The following DLG1 variants were observed in gnomAD, a reference collection of about 807,000 sequenced individuals.
DLG1 encodes discs large MAGUK scaffold protein 1.
DLG1 carries 42 observed loss-of-function variants against 123.4 expected under a neutral mutation model. The observed-to-expected ratio is 0.34, with a 90% CI of 0.27 to 0.44. The LOEUF is 0.44. Among genes scored for constraint, DLG1 ranks in the 20% least tolerant of loss-of-function variants. DLG1 has a pLI of 1.00. For missense variants in DLG1, 942 were observed against 1,082.6 expected, an observed-to-expected ratio of 0.87 and a Z score of 1.82; for synonymous variants, 317 against 356.2, an observed-to-expected ratio of 0.89 and a Z score of 1.24.
intron 5 of DLG1, among the ~76,000 whole-genome samples, chr3:197,172,659 G>T (rs1168170908): frequency 6.6e-6 from 1 of 152,112 alleles, no homozygotes; most frequent in Non-Finnish European, 1.5e-5. Flanking sequence ...CCACTTTCAT[G>T]CAATATACAT....
intron 4 of DLG1, among the ~76,000 whole-genome samples, chr3:197,243,325 CTACT>C (rs535685288): frequency 7.2e-4 from 110 of 152,298 alleles, no homozygotes; most frequent in African/African-American, 2.6e-3. Flanking sequence ...GCAGGAAAAA[CTACT>C]TATGTAATAG....
chr3:197,297,536 C>A, intron 1 of DLG1: 1 of 1,148,962 alleles, frequency 8.7e-7, no homozygotes, highest in Non-Finnish European at 1.1e-6. Context: ...AGTATCCACA[C>A]TCCCCACCTG....
chr3:197,268,824 T>C (rs1762755166), intron 4 of DLG1, among the ~76,000 whole-genome samples: 1 of 151,972 alleles, frequency 6.6e-6, no homozygotes, highest in Non-Finnish European at 1.5e-5. Flanking sequence ...TCTGATTCTA[T>C]AAGCTTTTTT....
rs567571221 is a variant in DLG1 at position 197,254,288 on chromosome 3, C to G, written c.318+28391G>C. 1.5e-4 allele frequency among the ~76,000 whole-genome samples: 23 copies of G among 152,244 alleles called. No individual in the cohort carries two copies. In the South Asian group the frequency reaches 1.7e-3, roughly 11 times the overall value. On this transcript the variant is annotated intron_variant, in intron 4 of 24. Transcript: ENST00000667157. ...TTCTGCAGTCTCACAGTTCATACAC[C>G]CTAAAGTCATGCTAGTGGAAAGAAC...
chr3:197,276,785 A>C (rs973000078), intron 4 of DLG1, among the ~76,000 whole-genome samples: 15 of 152,170 alleles, frequency 9.9e-5, no homozygotes, highest in South Asian at 4.1e-4. Flanking sequence ...GAAATTCTAT[A>C]AAGTCAGCAG....
intron 4 of DLG1, among the ~76,000 whole-genome samples, chr3:197,229,738 A>G (rs1016943806): frequency 3.9e-5 from 6 of 152,230 alleles, no homozygotes; most frequent in Non-Finnish European, 8.8e-5. Context: ...TTCATTCTAC[A>G]TTTGCCTAAG....
intron 5 of DLG1, among the ~76,000 whole-genome samples, chr3:197,170,770 C>A (rs1409062263): frequency 6.6e-6 from 1 of 152,140 alleles, no homozygotes; most frequent in Non-Finnish European, 1.5e-5. Context: ...GCTTTTGTTG[C>A]AATTGCATGG....
At chr3:197,080,231 C>A (rs747677307) in intron 17 of DLG1, among the ~76,000 whole-genome samples, 70 of 143,372 alleles carry the variant, frequency 4.9e-4, no homozygotes, top group Non-Finnish European at 9.3e-4. Context: ...AATAAATACA[C>A]TTCTAAAATA....
At chr3:197,183,743 GCTAGTA>G in intron 5 of DLG1, 1 of 1,550,498 alleles carries the variant, frequency 6.4e-7, no homozygotes. Context: ...CATGGCTAGA[GCTAGTA>G]TTGCCTCCTC....
intron 3 of DLG1, among the ~76,000 whole-genome samples, chr3:197,284,389 A>G (rs1011169614): frequency 6.6e-6 from 1 of 152,214 alleles, no homozygotes; most frequent in Non-Finnish European, 1.5e-5. Flanking sequence ...TTCAAAAGTC[A>G]TCTCTCTCAA....
intron 12 of DLG1, among the ~76,000 whole-genome samples, chr3:197,118,254 GT>G (rs1376542860): frequency 1.3e-5 from 2 of 152,156 alleles, no homozygotes; most frequent in African/African-American, 4.8e-5. Flanking sequence ...CACTATTACA[GT>G]TTCCCTCTTT....
chr3:197,066,659 T>A, intron 20 of DLG1, 45 bp downstream of exon 20: 1 of 1,438,484 alleles, frequency 7.0e-7, no homozygotes, highest in Admixed American at 2.1e-5. Context: ...AATTAAAAAG[T>A]ATATTCTTCT....
chr3:197,176,405 C>T (rs1490272364), intron 5 of DLG1, among the ~76,000 whole-genome samples: 1 of 152,102 alleles, frequency 6.6e-6, no homozygotes, highest in Admixed American at 6.6e-5. Flanking sequence ...GACGTTTCCG[C>T]CATTATAGTA....
chr3:197,065,722 C>A lies in DLG1; in HGVS notation c.2186G>T (p.Gly729Val). 6.2e-7 allele frequency: 1 copy of A among 1,608,876 alleles called. No individual in the cohort carries two copies. The highest frequency in any genetic ancestry group is 8.5e-7 in the Non-Finnish European group (1 of 1,176,236). The change falls in exon 21 of 25, where the codon GGA (glycine) becomes GTA (valine). Residue 729 changes from glycine to valine, a missense_variant. Transcript: ENST00000667157. The part of the protein sequence containing the change: ...DLISEFPDKF[G>V]SCVPHTTRPK... The stretch of plus-strand genomic sequence containing the variant: ...GGTTTACTTACGAGGAACACAGGAT[C>A]CAAATTTGTCAGGAAATTCTGAGAT...
chr3:197,085,804 T>A lies in DLG1; in HGVS notation c.1662-48A>T, dbSNP rs1753998850. 2 of 1,540,518 alleles carry A rather than the reference T, an allele frequency of 1.3e-6. 1 individual carries two copies. The highest frequency in any genetic ancestry group is 2.8e-5 in the African/African-American group (2 of 72,468). ...CCATAATCACTTGTTATAATATTAA[T>A]CAACATATCATAGGGTTCTGAAAGT... On this transcript the variant is annotated intron_variant, in intron 15 of 24. Transcript: ENST00000667157.
At chr3:197,294,190 C>T (rs1006417528) in intron 3 of DLG1, among the ~76,000 whole-genome samples, 5 of 152,064 alleles carry the variant, frequency 3.3e-5, no homozygotes, top group Admixed American at 2.0e-4. Context: ...CTCTATTAAA[C>T]GTTATCTATT....
At chr3:197,145,519 A>G (rs1358597046) in intron 6 of DLG1, among the ~76,000 whole-genome samples, 1 of 152,182 alleles carries the variant, frequency 6.6e-6, no homozygotes, top group African/African-American at 2.4e-5. Context: ...ACTGAGCTCC[A>G]TTTTTGTTCA....
intron 5 of DLG1, among the ~76,000 whole-genome samples, chr3:197,170,628 C>A (rs894029688): frequency 1.3e-5 from 2 of 152,030 alleles, no homozygotes; most frequent in Non-Finnish European, 2.9e-5. Context: ...TTATAGACGC[C>A]GGATATTAGA....
rs13319175 is a variant in DLG1, at chr3:197,105,034, G to A, written c.1444-29C>T. The A allele has an allele frequency of 1.4e-4, 194 of 1,408,510 alleles. 1 individual carries two copies. In the African/African-American group the frequency reaches 2.3e-3, roughly 17 times the overall value. The allele number at this position is 1,408,510 out of a possible 1,614,324, so 87.3% of individuals were successfully genotyped here. ...TAAATCAAACCAAATCTTAATTTGG[G>A]AGAAAAGAATCACTGTGATTAGAAA... On this transcript the variant is annotated intron_variant, in intron 13 of 24. Transcript: ENST00000667157.
Sources: gnomAD v4.1 joint callset for allele counts (sites outside exome capture counted in the v4.1 genomes callset) on GRCh38, gnomAD v4.1.1 for gene constraint, MANE v1.5 for transcripts, NCBI Gene and HGNC (gene_info 2026-07-23, HGNC 2026-07-21) for gene names.